The following PDE4D variants were observed in gnomAD, a reference collection of about 807,000 sequenced individuals.
PDE4D encodes the protein phosphodiesterase 4D.
PDE4D carries 24 observed loss-of-function variants against 87.4 expected under a neutral mutation model. That is an observed-to-expected ratio of 0.27 (90% confidence interval 0.20 to 0.39). The LOEUF (loss-of-function observed/expected upper bound fraction) is 0.39. PDE4D is among the 10% of genes least tolerant of loss of function. The pLI, the probability that PDE4D is intolerant of heterozygous loss-of-function variation, is 1.00. For missense variants in PDE4D, 714 were observed against 1,041.0 expected (o/e 0.69, Z 4.32); for synonymous variants, 384 against 383.2 (o/e 1.00, Z -0.02).
intron 2 of PDE4D, among the ~76,000 whole-genome samples, chr5:60,108,231 C>T (rs1184660467): frequency 1.3e-5 from 2 of 151,270 alleles, no homozygotes; most frequent in African/African-American, 4.9e-5. Flanking sequence ...AAACAGAGAG[C>T]CAAATCATGA....
intron 2 of PDE4D, among the ~76,000 whole-genome samples, chr5:60,152,342 T>C (rs1199943521): frequency 2.0e-5 from 3 of 152,124 alleles, no homozygotes; most frequent in African/African-American, 4.8e-5. Flanking sequence ...AATTCTTCTT[T>C]AAATGTTTGG....
chr5:59,224,386 G>GGGGGGGT (rs1194983561), intron 1 of PDE4D, among the ~76,000 whole-genome samples: 65 of 151,822 alleles, frequency 4.3e-4, no homozygotes, highest in African/African-American at 1.5e-3. Flanking sequence ...GGTGGTACTG[G>GGGGGGGT]AAATATACAA....
chr5:59,170,299 G>T (rs1464719173), intron 5 of PDE4D, among the ~76,000 whole-genome samples: 1 of 152,122 alleles, frequency 6.6e-6, no homozygotes, highest in Non-Finnish European at 1.5e-5. Flanking sequence ...TTACAGGTGT[G>T]AGCCACTGCA....
intron 1 of PDE4D, chr5:60,335,081 C>T (rs758930104): frequency 6.6e-6 from 1 of 152,204 alleles, no homozygotes; most frequent in Admixed American, 6.5e-5. Context: ...AAGATGCCTA[C>T]CCCAAATCAT....
chr5:60,336,662 T>C (rs941709576), intron 1 of PDE4D, among the ~76,000 whole-genome samples: 1 of 152,208 alleles, frequency 6.6e-6, no homozygotes, highest in Non-Finnish European at 1.5e-5. Flanking sequence ...CTCCCTCCTC[T>C]CTTTTTAGGT....
At chr5:59,459,392 A>T (rs1800412157) in intron 1 of PDE4D, among the ~76,000 whole-genome samples, 1 of 152,200 alleles carries the variant, frequency 6.6e-6, no homozygotes, top group African/African-American at 2.4e-5. Context: ...TACCTGTTTC[A>T]CATTCTATAC....
At chr5:59,867,515 G>A (rs1747223933) in intron 1 of PDE4D, among the ~76,000 whole-genome samples, 3 of 151,994 alleles carry the variant, frequency 2.0e-5, no homozygotes, top group African/African-American at 7.2e-5. Flanking sequence ...ATTTTTTTCA[G>A]AACAATCTAC....
rs547044304 is a variant in PDE4D at position 59,117,920 on chromosome 5, T to C, written c.808+62675A>G. Among the ~76,000 whole-genome samples the C allele has an allele frequency of 2.1e-3, 322 of 151,846 alleles. 1 individual carries two copies. The highest frequency in any genetic ancestry group is 3.7e-3 in the South Asian group (18 of 4,818). Reference sequence around the variant, plus strand: ...CAAATTCTTCTTACTACATTTAAAATATTTTGTCAACTCTCTACTATAGCT... The same window carrying C: ...CAAATTCTTCTTACTACATTTAAAACATTTTGTCAACTCTCTACTATAGCT... On this transcript the variant is annotated intron_variant, in intron 5 of 14. Transcript: ENST00000340635.
chr5:59,600,511 G>A (rs974307563), intron 1 of PDE4D, among the ~76,000 whole-genome samples: 1 of 152,182 alleles, frequency 6.6e-6, no homozygotes, highest in African/African-American at 2.4e-5. Context: ...TTATAAGACA[G>A]TACATTTTCC....
intron 1 of PDE4D, among the ~76,000 whole-genome samples, chr5:59,788,204 G>A (rs990457865): frequency 2.0e-5 from 3 of 152,146 alleles, no homozygotes; most frequent in African/African-American, 7.2e-5. Context: ...TCATAAAAAT[G>A]TTCATGGTAC....
At chr5:59,502,042 T>C (rs1423564816) in intron 1 of PDE4D, among the ~76,000 whole-genome samples, 1 of 152,182 alleles carries the variant, frequency 6.6e-6, no homozygotes, top group Admixed American at 6.5e-5. Context: ...CTCCTTTCAC[T>C]AGTGTTCTCC....
chr5:59,544,907 G>A (rs1051099310), intron 1 of PDE4D, among the ~76,000 whole-genome samples: 5 of 151,992 alleles, frequency 3.3e-5, no homozygotes, highest in Admixed American at 6.6e-5. Flanking sequence ...TTTTTGATAC[G>A]AACTGCTTTA....
chr5:59,913,082 G>A (rs1753626373), intron 3 of PDE4D, among the ~76,000 whole-genome samples: 1 of 152,112 alleles, frequency 6.6e-6, no homozygotes, highest in South Asian at 2.1e-4. Flanking sequence ...GGCCCAGTTT[G>A]AATGACCAGA....
chr5:60,148,355 T>C (rs1315552593), intron 2 of PDE4D, among the ~76,000 whole-genome samples: 1 of 152,144 alleles, frequency 6.6e-6, no homozygotes, highest in African/African-American at 2.4e-5. Context: ...ACAAAAATAA[T>C]AATAAAAATC....
At chr5:59,753,272 G>C (rs1466825671) in intron 1 of PDE4D, among the ~76,000 whole-genome samples, 2 of 152,060 alleles carry the variant, frequency 1.3e-5, no homozygotes, top group East Asian at 1.9e-4. Flanking sequence ...TAAAATACCT[G>C]GTGGTATTGG....
intron 1 of PDE4D, among the ~76,000 whole-genome samples, chr5:59,759,062 A>T (rs908020941): frequency 6.6e-6 from 1 of 151,312 alleles, no homozygotes; most frequent in Admixed American, 6.6e-5. Context: ...CAAAACCATT[A>T]AAAAAAAGAC....
chr5:59,357,055 T>C, intron 1 of PDE4D: 1 of 475,826 alleles, frequency 2.1e-6, no homozygotes, highest in Non-Finnish European at 3.5e-6. Context: ...TGCATGACAC[T>C]TGGCCTTTGC....
At chr5:59,846,674 T>A (rs965876499) in intron 1 of PDE4D, among the ~76,000 whole-genome samples, 2 of 151,996 alleles carry the variant, frequency 1.3e-5, no homozygotes, top group Admixed American at 1.3e-4. Context: ...TCAATGTGCA[T>A]GGGGTCCTGT....
chr5:59,134,317 C>T (rs1472240757), intron 5 of PDE4D, among the ~76,000 whole-genome samples: 1 of 151,482 alleles, frequency 6.6e-6, no homozygotes, highest in Admixed American at 6.6e-5. Context: ...CTTAAGACCA[C>T]ATTACCACCT....
Sources: gnomAD v4.1 joint callset for allele counts (sites outside exome capture counted in the v4.1 genomes callset) on GRCh38, gnomAD v4.1.1 for gene constraint, MANE v1.5 for transcripts, NCBI Gene and HGNC (gene_info 2026-07-23, HGNC 2026-07-21) for gene names.